The following CTSZ variants were observed in gnomAD, a reference collection of about 807,000 sequenced individuals.
CTSZ encodes carboxypeptidase LB.
In CTSZ, 39 loss-of-function variants were observed where a neutral mutation model predicts 32.4. The ratio of observed to expected loss-of-function variants is 1.20; its 90% confidence interval spans 0.93 to 1.57. The LOEUF (loss-of-function observed/expected upper bound fraction) is 1.57. CTSZ is among the 40% of genes most tolerant of loss of function. CTSZ has a pLI of 0.00. For synonymous variants in CTSZ, 168 were observed against 170.1 expected (o/e 0.99, Z 0.10); for missense variants, 397 against 419.6 (o/e 0.95, Z 0.47).
At position 59,001,590 on chromosome 20, in the gene CTSZ, T is replaced by C. The variant is rs1358035274; in HGVS notation, c.362A>G (p.Gln121Arg). The change falls in exon 3 of 6, where the codon CAG becomes CGG. Residue 121 changes from glutamine to arginine, a missense_variant. By Grantham distance (43) the Gln-to-Arg change is conservative. Transcript: ENST00000217131. ...GAWPSTLLSV[Q>R]NVIDCGNAGS... is the part of the protein sequence containing the mutation. ...AGCGTTACCGCAGTCGATGACGTTC[T>C]GCACGGACAGGAGGGTGGAGGGCCA... The C allele has an allele frequency of 6.2e-7, 1 of 1,614,204 alleles. No individual in the cohort carries two copies. Among genetic ancestry groups the C allele is most frequent in the South Asian group, 1.1e-5 (1 of 91,088 alleles).
intron 5 of CTSZ, 56 bp downstream of exon 5, chr20:58,996,583 G>C (rs753581225): frequency 1.4e-5 from 22 of 1,561,432 alleles, no homozygotes; most frequent in Non-Finnish European, 1.9e-5. Flanking sequence ...TCAAGCGAGA[G>C]GAGTACCAGG....
In CTSZ at chr20:58,995,559, G is replaced by T. The variant is rs972893900; in HGVS notation, c.*90C>A. 115 of 1,233,766 alleles carry T rather than the reference G, an allele frequency of 9.3e-5. No homozygotes were observed. The highest frequency in any genetic ancestry group is 1.3e-4 in the Non-Finnish European group (110 of 849,520). 76.4% of individuals were successfully genotyped at this position (1,233,766 alleles called of 1,614,324 possible). A position where few individuals can be genotyped will look rare whatever the true frequency, so the allele number is the denominator to read the frequency against. ...AATATTGATAGCCACCCCAGTTCCTGCCAGCCAGCCTGGCACACATAACCA... is the reference window on the plus strand; with the variant it reads ...AATATTGATAGCCACCCCAGTTCCTTCCAGCCAGCCTGGCACACATAACCA... On this transcript the variant is annotated 3_prime_UTR_variant, in exon 6 of 6. Coordinates refer to ENST00000217131, the MANE Select transcript of CTSZ (RefSeq NM_001336.4).
intron 3 of CTSZ, among the ~76,000 whole-genome samples, chr20:59,000,853 G>A (rs1413000656): frequency 7.9e-5 from 11 of 138,808 alleles, no homozygotes; most frequent in African/African-American, 5.5e-5. Context: ...TTTTTGAGCC[G>A]TAGTCTTGCT....
Position 58,995,535 on chromosome 20 carries a change from A to T in CTSZ, c.*114T>A. 2.2e-6 allele frequency: 2 copies of T among 902,100 alleles called. No homozygotes were observed. Among genetic ancestry groups the T allele is most frequent in the Non-Finnish European group, 3.5e-6 (2 of 564,368 alleles). The allele number at this position is 902,100 out of a possible 1,614,324, so 55.9% of individuals were successfully genotyped here. ...AGTGCCACGCTGTCCTCGCCATCCA[A>T]TATTGATAGCCACCCCAGTTCCTGC... On this transcript the variant is annotated 3_prime_UTR_variant, in exon 6 of 6. Transcript: ENST00000217131.
intron 3 of CTSZ, among the ~76,000 whole-genome samples, 195 bp from the exon 4 acceptor site, chr20:58,997,948 C>G (rs969917199): frequency 2.0e-5 from 3 of 152,178 alleles, no homozygotes; most frequent in African/African-American, 7.2e-5. Context: ...AAAGCCCTTC[C>G]CCAGGCCTTG....
At chr20:58,995,798 C>A (rs771559473) in intron 5 of CTSZ, 39 bp from the exon 6 acceptor site, 3 of 1,581,722 alleles carry the variant, frequency 1.9e-6, no homozygotes, top group South Asian at 1.1e-5. Context: ...CATCTGCAGC[C>A]GTCTCCCGCT....
intron 2 of CTSZ, chr20:59,005,936 C>T: frequency 1.0e-5 from 2 of 195,742 alleles, no homozygotes; most frequent in South Asian, 2.1e-4. Context: ...ACCCAATATT[C>T]CAAGCCCAGG....
At chr20:58,999,528 C>G (rs2091878600) in intron 3 of CTSZ, among the ~76,000 whole-genome samples, 1 of 148,866 alleles carries the variant, frequency 6.7e-6, no homozygotes, top group African/African-American at 2.5e-5. Flanking sequence ...TGTCCCCCTT[C>G]TCGAAGGACT....
At chr20:59,005,190 C>T (rs976423183) in intron 2 of CTSZ, among the ~76,000 whole-genome samples, 9 of 152,080 alleles carry the variant, frequency 5.9e-5, no homozygotes, top group Admixed American at 1.3e-4. Context: ...GACCTTTGAA[C>T]GATCAGAAGT....
chr20:59,004,441 G>T lies in CTSZ; in HGVS notation c.307+1881C>A, dbSNP rs2091901217. Among the ~76,000 whole-genome samples the T allele has an allele frequency of 6.6e-6, 1 of 152,034 alleles. No homozygotes were observed. The highest frequency in any genetic ancestry group is 2.4e-5 in the African/African-American group (1 of 41,372). ...AATGCTTCACGGTGGGCCCCAGGTG[G>T]CAGTGGAAAGAACAGTGCCGGTGGA... On this transcript the variant is annotated intron_variant, in intron 2 of 5. Coordinates refer to ENST00000217131, the MANE Select transcript of CTSZ (RefSeq NM_001336.4). This position sits in a 1 kb window ranked among gnomAD's most constrained non-coding sequence, Gnocchi z 5.6.
chr20:59,006,906 C>T, intron 1 of CTSZ, 80 bp downstream of exon 1: 1 of 1,211,142 alleles, frequency 8.3e-7, no homozygotes, highest in South Asian at 2.0e-5. Context: ...CGACGCAGGG[C>T]CCCCAGGAGG....
Position 58,996,733 on chromosome 20 carries a change from G to A in CTSZ, c.707C>T (p.Thr236Ile), listed in dbSNP as rs201551005. Reference protein sequence around the residue: ...TGGIYAEYQDTTYINHVVSVA... With the variant: ...TGGIYAEYQDITYINHVVSVA... The stretch of plus-strand genomic sequence containing the variant: ...AGAAACGACATGGTTTATATATGTG[G>A]TGTCCTGGTATTCGGCATAGATGCC... The change falls in exon 5 of 6, where the codon ACC (threonine) becomes ATC (isoleucine). Residue 236 changes from threonine (T) to isoleucine (I), a missense_variant. Thr to Ile is a moderately conservative substitution (Grantham distance 89). Transcript: ENST00000217131. The A allele has an allele frequency of 9.7e-5, 157 of 1,614,184 alleles. No individual in the cohort carries two copies. Among genetic ancestry groups the A allele is most frequent in the Middle Eastern group, 1.6e-4 (1 of 6,062 alleles).
intron 3 of CTSZ, among the ~76,000 whole-genome samples, chr20:59,000,717 C>A (rs1285191709): frequency 1.3e-5 from 2 of 152,182 alleles, no homozygotes; most frequent in African/African-American, 2.4e-5. Context: ...GCCCAAAAAG[C>A]CACCAAAATG....
At chr20:58,997,842 T>A in intron 3 of CTSZ, 89 bp from the exon 4 acceptor site, 1 of 1,205,566 alleles carries the variant, frequency 8.3e-7, no homozygotes, top group Non-Finnish European at 1.1e-6. Flanking sequence ...TCCACTCTCA[T>A]CATGCAGCCT....
In CTSZ at chr20:59,007,117, G is replaced by C; in HGVS notation, c.12C>G (p.Arg4=). Residue 4 remains arginine, a synonymous_variant, in exon 1 of 6, where the codon CGC becomes CGG. Coordinates refer to ENST00000217131, the MANE Select transcript of CTSZ (RefSeq NM_001336.4). ...GCAGAAGCGGCCGCCACCCTGGCCC[G>C]CGCCTCGCCATGGCCCCGCGCCGGC... MAR[R]GPGWRPLLLL... 7.2e-7 allele frequency: 1 copy of C among 1,395,884 alleles called. No individual in the cohort carries two copies. Among genetic ancestry groups the C allele is most frequent in the Non-Finnish European group, 9.3e-7 (1 of 1,080,838 alleles). 86.5% of individuals were successfully genotyped at this position (1,395,884 alleles called of 1,614,324 possible).
intron 3 of CTSZ, 63 bp from the exon 4 acceptor site, chr20:58,997,816 CCCG>C: frequency 1.4e-6 from 2 of 1,449,884 alleles, no homozygotes; most frequent in Non-Finnish European, 1.9e-6. Context: ...GACAAAGAAG[CCCG>C]CCAAGCCCAC....
intron 3 of CTSZ, among the ~76,000 whole-genome samples, chr20:58,999,925 C>T (rs976924263): frequency 3.3e-5 from 5 of 152,318 alleles, no homozygotes; most frequent in East Asian, 1.9e-4. Context: ...AAAAATTAGC[C>T]GGGCGCGGTG....
At chr20:59,001,799 C>G (rs904645711) in intron 2 of CTSZ, among the ~76,000 whole-genome samples, 155 bp from the exon 3 acceptor site, 1 of 152,248 alleles carries the variant, frequency 6.6e-6, no homozygotes, top group Non-Finnish European at 1.5e-5. Flanking sequence ...CTGCTGACCT[C>G]TTCATGGAGG....
Position 59,007,129 on chromosome 20 carries a change from G to T in CTSZ, c.-1C>A. ...GCCACCCTGGCCCGCGCCTCGCCAT[G>T]GCCCCGCGCCGGCTCCTGGGTCCCG... On this transcript the variant is annotated 5_prime_UTR_variant, in exon 1 of 6. Coordinates refer to ENST00000217131, the MANE Select transcript of CTSZ (RefSeq NM_001336.4). 7.4e-7 allele frequency: 1 copy of T among 1,359,686 alleles called. No individual in the cohort carries two copies. The highest frequency in any genetic ancestry group is 9.4e-7 in the Non-Finnish European group (1 of 1,064,238). The allele number at this position is 1,359,686 out of a possible 1,614,324, so 84.2% of individuals were successfully genotyped here. A position where few individuals can be genotyped will look rare whatever the true frequency, so the allele number is the denominator to read the frequency against.
Sources: allele counts gnomAD v4.1 joint callset (sites outside exome capture counted in the v4.1 genomes callset), GRCh38; gene constraint gnomAD v4.1.1; non-coding constraint Gnocchi (gnomAD v3.1); transcripts MANE v1.5; gene names NCBI Gene and HGNC (gene_info 2026-07-23, HGNC 2026-07-21).